Variants in SHANK2 observed in about 807,000 individuals in gnomAD.
The protein encoded by SHANK2 is SH3 and multiple ankyrin repeat domains 2, also known as SH3 and multiple ankyrin repeat domains protein 2.
Under a neutral mutation model 133.7 loss-of-function variants are expected in SHANK2, and 43 were observed. That is an observed-to-expected ratio of 0.32 (90% confidence interval 0.25 to 0.41). The LOEUF (loss-of-function observed/expected upper bound fraction) is 0.41. SHANK2 is among the 10% of genes least tolerant of loss of function. The pLI, the probability that SHANK2 is intolerant of heterozygous loss-of-function variation, is 1.00. For synonymous variants in SHANK2, 1,017 were observed against 952.8 expected (o/e 1.07, Z -1.24); for missense variants, 1,994 against 2,235.8 (o/e 0.89, Z 2.18).
At chr11:71,148,975 T>C (rs1952708067) in intron 2 of SHANK2, among the ~76,000 whole-genome samples, 1 of 117,156 alleles carries the variant, frequency 8.5e-6, no homozygotes. Flanking sequence ...GAAGACAGGG[T>C]GGGCCGCGCT....
chr11:70,637,329 G>A (rs1417973045), intron 17 of SHANK2, among the ~76,000 whole-genome samples: 2 of 152,182 alleles, frequency 1.3e-5, no homozygotes, highest in African/African-American at 4.8e-5. Flanking sequence ...CTGGTGCTGA[G>A]TACGGACTCA....
intron 17 of SHANK2, among the ~76,000 whole-genome samples, chr11:70,532,634 C>T (rs1315526131): frequency 6.7e-6 from 1 of 149,134 alleles, no homozygotes; most frequent in East Asian, 1.9e-4. Flanking sequence ...GTCCATTGTC[C>T]ATGGAAAAAA....
chr11:71,074,842 C>T lies in SHANK2; in HGVS notation c.1029+317G>A, dbSNP rs1181015147. Among the ~76,000 whole-genome samples the T allele has an allele frequency of 3.4e-5, 5 of 146,104 alleles. No homozygotes were observed. The South Asian group carries it at 6.5e-4, about 19-fold the overall frequency. ...TAGCCCAGGCTGGAGTGCAGTGGCA[C>T]GGTCTCGGCTCACTGCAAGCTCCGC... is the stretch of plus-strand genomic sequence containing the variant. On this transcript the variant is annotated intron_variant, in intron 9 of 25. Coordinates refer to ENST00000601538, the MANE Select transcript of SHANK2 (RefSeq NM_012309.5).
chr11:70,801,720 G>C (rs1590696836), intron 13 of SHANK2, among the ~76,000 whole-genome samples: 1 of 152,234 alleles, frequency 6.6e-6, no homozygotes, highest in Middle Eastern at 3.4e-3. Flanking sequence ...GGGATGCTGA[G>C]GGATCCCGGG....
In SHANK2 at chr11:70,485,631, G is replaced by A. The variant is rs1555152976; in HGVS notation, c.4662C>T (p.Pro1554=). 4 of 1,614,036 alleles carry A rather than the reference G, an allele frequency of 2.5e-6. No homozygotes were observed. The East Asian group carries it at 6.7e-5, about 27-fold the overall frequency. The change falls in exon 25 of 26, where the codon CCC becomes CCT. Residue 1554 remains proline (P), a synonymous_variant. Coordinates refer to ENST00000601538, the MANE Select transcript of SHANK2 (RefSeq NM_012309.5). This position sits in a 1 kb window ranked among gnomAD's most constrained non-coding sequence, Gnocchi z 5.8. ...PPVPPKPKMK[P]IIHKSNALYQ... Reference sequence around the variant, plus strand: ...AAAGTGCATTGCTTTTGTGAATGATGGGCTTCATTTTTGGCTTAGGAGGTA... The same window carrying A: ...AAAGTGCATTGCTTTTGTGAATGATAGGCTTCATTTTTGGCTTAGGAGGTA...
chr11:70,614,138 C>T (rs896044389), intron 17 of SHANK2, among the ~76,000 whole-genome samples: 33 of 152,262 alleles, frequency 2.2e-4, no homozygotes, highest in Non-Finnish European at 3.5e-4. Context: ...TGGAGCCAGG[C>T]AGCGCAAGCC....
intron 17 of SHANK2, among the ~76,000 whole-genome samples, chr11:70,645,833 C>G (rs1245597660): frequency 1.1e-4 from 16 of 151,984 alleles, no homozygotes; most frequent in African/African-American, 3.9e-4. Flanking sequence ...TGCCCTGCCA[C>G]AGCAGGGCAT....
chr11:70,747,030 C>T (rs1181493449), intron 14 of SHANK2, among the ~76,000 whole-genome samples: 1 of 147,960 alleles, frequency 6.8e-6, no homozygotes, highest in African/African-American at 2.5e-5. Flanking sequence ...TCCACCCCTG[C>T]ACTCCCCTCC....
At chr11:70,767,033 CG>C (rs782469704) in intron 14 of SHANK2, among the ~76,000 whole-genome samples, 2 of 152,212 alleles carry the variant, frequency 1.3e-5, no homozygotes, top group Non-Finnish European at 2.9e-5. Context: ...GGCACGGACA[CG>C]GGGAGGCATC....
chr11:70,583,858 C>T (rs1167991348), intron 17 of SHANK2, among the ~76,000 whole-genome samples: 2 of 152,328 alleles, frequency 1.3e-5, no homozygotes, highest in Admixed American at 6.5e-5. Context: ...CAGGTAAAAG[C>T]CAGCATGGCC....
chr11:70,593,029 T>C (rs1187765002), intron 17 of SHANK2, among the ~76,000 whole-genome samples: 1 of 152,186 alleles, frequency 6.6e-6, no homozygotes, highest in Non-Finnish European at 1.5e-5. Context: ...GTCCCAGCCC[T>C]GGCCTCGCAT....
intron 2 of SHANK2, among the ~76,000 whole-genome samples, chr11:71,148,711 C>T (rs1228450717): frequency 2.0e-5 from 3 of 152,206 alleles, no homozygotes; most frequent in African/African-American, 7.2e-5. Flanking sequence ...TCTCTTCATT[C>T]CCATGAACTC....
chr11:70,522,787 C>T (rs2059346620), intron 17 of SHANK2, among the ~76,000 whole-genome samples: 1 of 152,236 alleles, frequency 6.6e-6, no homozygotes. Context: ...GAGAAGGGCA[C>T]TGCCCCCACC....
intron 6 of SHANK2, among the ~76,000 whole-genome samples, chr11:71,096,106 CTTCA>C (rs1418064822): frequency 6.6e-6 from 1 of 152,126 alleles, no homozygotes; most frequent in Non-Finnish European, 1.5e-5. Context: ...ATGCCAGCAT[CTTCA>C]TTCATCCTGT....
chr11:70,523,731 CA>C (rs2059360382), intron 17 of SHANK2, among the ~76,000 whole-genome samples: 1 of 152,174 alleles, frequency 6.6e-6, no homozygotes, highest in Non-Finnish European at 1.5e-5. Context: ...GTGCACGAAT[CA>C]GGGGCTGTAC....
At chr11:70,748,885 G>A (rs1946698600) in intron 14 of SHANK2, among the ~76,000 whole-genome samples, 1 of 152,192 alleles carries the variant, frequency 6.6e-6, no homozygotes. Flanking sequence ...AAAAGTTCCA[G>A]ATTAAAAGCC....
intron 1 of SHANK2, among the ~76,000 whole-genome samples, chr11:71,235,729 G>A (rs1954818908): frequency 3.9e-5 from 6 of 152,142 alleles, no homozygotes; most frequent in Admixed American, 3.3e-4. Context: ...AACACTGAAG[G>A]CAAAAGGCCA....
chr11:71,236,643 G>A (rs1049986880), intron 1 of SHANK2, among the ~76,000 whole-genome samples: 13 of 152,326 alleles, frequency 8.5e-5, no homozygotes, highest in South Asian at 4.1e-4. Context: ...GCAAGAGACC[G>A]CCTATGGGCC....
At chr11:70,708,007 C>T (rs1196645844) in intron 14 of SHANK2, among the ~76,000 whole-genome samples, 1 of 152,190 alleles carries the variant, frequency 6.6e-6, no homozygotes, top group Non-Finnish European at 1.5e-5. Context: ...CCGAGGACAT[C>T]ACAGCTGGGG....
Sources: allele counts gnomAD v4.1 joint callset (sites outside exome capture counted in the v4.1 genomes callset), GRCh38; gene constraint gnomAD v4.1.1; non-coding constraint Gnocchi (gnomAD v3.1); transcripts MANE v1.5; gene names NCBI Gene and HGNC (gene_info 2026-07-23, HGNC 2026-07-21).